MPP7: variants seen among roughly 807,000 people sequenced by gnomAD.
MPP7 encodes MAGUK p55 subfamily member 7.
MPP7 carries 60 observed loss-of-function variants against 76.5 expected under a neutral mutation model. The observed-to-expected ratio is 0.78, with a 90% CI of 0.64 to 0.97. The LOEUF is 0.97. Ranked by LOEUF, MPP7 falls within the 50% of genes least tolerant of loss-of-function variation. The pLI, the probability that MPP7 is intolerant of heterozygous loss-of-function variation, is 0.00. For synonymous variants in MPP7, 237 were observed against 244.5 expected (o/e 0.97, Z 0.29); for missense variants, 641 against 694.0 (o/e 0.92, Z 0.86).
chr10:28,217,538 AAAAG>A (rs1355974909), intron 2 of MPP7, among the ~76,000 whole-genome samples: 4,431 of 54,354 alleles, frequency 0.082, 113 homozygotes, highest in South Asian at 0.15. Flanking sequence ...AAAAAAAAAA[AAAAG>A]AAAAGAAAAG....
intron 1 of MPP7, among the ~76,000 whole-genome samples, chr10:28,334,131 G>A (rs1299745174): frequency 1.3e-5 from 2 of 152,102 alleles, no homozygotes; most frequent in African/African-American, 4.8e-5. Context: ...AACCCAGGAG[G>A]TGGAGGTTAC....
At chr10:28,165,511 G>A (rs1047659213) in intron 3 of MPP7, among the ~76,000 whole-genome samples, 1 of 142,674 alleles carries the variant, frequency 7.0e-6, no homozygotes. Context: ...GGGCTATAGA[G>A]TGAGACCTTG....
At chr10:28,145,219 G>A (rs1451092909) in intron 5 of MPP7, among the ~76,000 whole-genome samples, 1 of 152,120 alleles carries the variant, frequency 6.6e-6, no homozygotes, top group Non-Finnish European at 1.5e-5. Context: ...GGCCGTATCT[G>A]TGTCTTTTTA....
At chr10:28,127,374 A>G (rs976116510) in intron 6 of MPP7, among the ~76,000 whole-genome samples, 1 of 152,240 alleles carries the variant, frequency 6.6e-6, no homozygotes, top group African/African-American at 2.4e-5. Flanking sequence ...ATAATTACAT[A>G]CATTATACAG....
chr10:28,088,121 TCACC>T (rs569736582), intron 12 of MPP7, among the ~76,000 whole-genome samples: 40 of 152,250 alleles, frequency 2.6e-4, no homozygotes, highest in Admixed American at 1.1e-3. Flanking sequence ...TTCCCATGAG[TCACC>T]CACCATTTCT....
intron 2 of MPP7, among the ~76,000 whole-genome samples, chr10:28,208,509 C>A (rs757789197): frequency 1.3e-5 from 2 of 152,112 alleles, no homozygotes; most frequent in Non-Finnish European, 2.9e-5. Flanking sequence ...TGCCCATGGG[C>A]GTGTCACTAA....
intron 3 of MPP7, among the ~76,000 whole-genome samples, chr10:28,150,261 A>G (rs1407978763): frequency 6.6e-6 from 1 of 152,204 alleles, no homozygotes; most frequent in East Asian, 1.9e-4. Flanking sequence ...TTCATCTATT[A>G]CTATGGCCCA....
intron 1 of MPP7, among the ~76,000 whole-genome samples, chr10:28,246,404 G>A (rs530089157): frequency 1.7e-3 from 262 of 152,178 alleles, no homozygotes; most frequent in Middle Eastern, 6.8e-3. Context: ...CAAAAGCTGA[G>A]GGAGTTTGTT....
intron 1 of MPP7, among the ~76,000 whole-genome samples, chr10:28,269,056 C>A (rs1043888373): frequency 6.6e-6 from 1 of 152,198 alleles, no homozygotes; most frequent in Admixed American, 6.5e-5. Context: ...TAAGGACTTT[C>A]TTTCCCATAA....
In MPP7 at chr10:28,052,036, T is replaced by C. The variant is rs1484111257; in HGVS notation, c.*2029A>G. The C allele has an allele frequency of 1.3e-5, 2 of 152,122 alleles. No homozygotes were observed. Among genetic ancestry groups the C allele is most frequent in the African/African-American group, 4.8e-5 (2 of 41,414 alleles). 9.4% of individuals were successfully genotyped at this position (152,122 alleles called of 1,614,324 possible). ...GTTATATTTTTATAACATCTTATTA[T>C]TACCACCACCAAAAAAGGACTCAGT... On this transcript the variant is annotated 3_prime_UTR_variant, in exon 17 of 17. Transcript: ENST00000683449.
At chr10:28,069,731 G>T (rs768672509) in intron 13 of MPP7, 41 bp downstream of exon 13, 4 of 1,420,642 alleles carry the variant, frequency 2.8e-6, no homozygotes, top group African/African-American at 2.9e-5. Context: ...TAAAATTATC[G>T]TAAGTGTAGT....
intron 5 of MPP7, among the ~76,000 whole-genome samples, chr10:28,144,411 T>C (rs1008880711): frequency 1.3e-5 from 2 of 152,156 alleles, no homozygotes; most frequent in Admixed American, 6.5e-5. Flanking sequence ...CTATTACTAA[T>C]AATGCTGGAA....
chr10:28,177,002 T>C (rs929054491), intron 3 of MPP7, among the ~76,000 whole-genome samples: 4 of 148,822 alleles, frequency 2.7e-5, no homozygotes, highest in Non-Finnish European at 5.9e-5. Context: ...ATTGTGCACA[T>C]GTACCCTAGA....
chr10:28,213,187 AC>A, intron 2 of MPP7, among the ~76,000 whole-genome samples: 1 of 151,870 alleles, frequency 6.6e-6, no homozygotes, highest in East Asian at 1.9e-4. Context: ...CAATCCTCCC[AC>A]CATAGCCTTC....
chr10:28,304,341 C>A (rs1040540031), upstream of MPP7, among the ~76,000 whole-genome samples: 11 of 152,108 alleles, frequency 7.2e-5, no homozygotes, highest in African/African-American at 2.4e-4. Context: ...TGAAATTAAG[C>A]ACTTCCCCCC....
chr10:28,238,450 G>C (rs554249829), intron 2 of MPP7, 118 bp downstream of exon 2: 2 of 1,062,738 alleles, frequency 1.9e-6, no homozygotes, highest in African/African-American at 3.1e-5. Flanking sequence ...TGTCCCTAGT[G>C]TTGGTGACAG....
At chr10:28,131,748 G>A (rs1431642747) in intron 5 of MPP7, 57 bp from the exon 6 acceptor site, 8 of 858,924 alleles carry the variant, frequency 9.3e-6, no homozygotes, top group South Asian at 3.5e-5. Context: ...TATATTATAT[G>A]TAATATATAT....
intron 2 of MPP7, among the ~76,000 whole-genome samples, chr10:28,222,882 A>C (rs1035015590): frequency 6.7e-6 from 1 of 150,266 alleles, no homozygotes; most frequent in African/African-American, 2.5e-5. Flanking sequence ...GATTTGGCTA[A>C]TTTTAGGTAG....
At chr10:28,141,571 TG>T (rs1488073525) in intron 5 of MPP7, among the ~76,000 whole-genome samples, 1 of 152,088 alleles carries the variant, frequency 6.6e-6, no homozygotes, top group Non-Finnish European at 1.5e-5. Flanking sequence ...TAGTATACCA[TG>T]GGGGAAAATT....
Sources: gnomAD v4.1 joint callset for allele counts (sites outside exome capture counted in the v4.1 genomes callset) on GRCh38, gnomAD v4.1.1 for gene constraint, MANE v1.5 for transcripts, NCBI Gene and HGNC (gene_info 2026-07-23, HGNC 2026-07-21) for gene names.